The following WWOX variants were observed in gnomAD, a reference collection of about 807,000 sequenced individuals.
The protein encoded by WWOX is WW domain-containing oxidoreductase.
A neutral mutation model predicts 46.2 loss-of-function variants in WWOX; 69 were observed. The ratio of observed to expected loss-of-function variants is 1.49; its 90% confidence interval spans 1.23 to 1.82. WWOX has a LOEUF of 1.82. Among genes scored for constraint, WWOX ranks in the 40% most tolerant of loss-of-function variants. The pLI is 0.00. For missense variants in WWOX, 919 were observed against 542.6 expected (o/e 1.69, Z -6.89); for synonymous variants, 359 against 202.6 (o/e 1.77, Z -6.56).
intron 5 of WWOX, among the ~76,000 whole-genome samples, chr16:78,285,816 C>A (rs1418532305): frequency 6.6e-6 from 1 of 152,138 alleles, no homozygotes; most frequent in Non-Finnish European, 1.5e-5. Context: ...CTGTAATGTT[C>A]CTCACCCACT....
chr16:78,941,790 A>G (rs2045857100), intron 8 of WWOX, among the ~76,000 whole-genome samples: 1 of 152,212 alleles, frequency 6.6e-6, no homozygotes, highest in South Asian at 2.1e-4. Flanking sequence ...TAATCAAATA[A>G]AAGAAGTACT....
intron 8 of WWOX, among the ~76,000 whole-genome samples, chr16:78,736,175 TG>T (rs1255259337): frequency 6.6e-6 from 1 of 152,200 alleles, no homozygotes; most frequent in East Asian, 1.9e-4. Flanking sequence ...AAATGAAGTC[TG>T]GCTTCAGGTT....
At chr16:79,089,504 G>A (rs1449650878) in intron 8 of WWOX, among the ~76,000 whole-genome samples, 2 of 151,826 alleles carry the variant, frequency 1.3e-5, no homozygotes, top group Non-Finnish European at 2.9e-5. Context: ...GCTAATTTTT[G>A]TATTTTTAAT....
At position 78,293,759 on chromosome 16, in the gene WWOX, C is replaced by T. The variant is rs575473503; in HGVS notation, c.517-93101C>T. 7.9e-5 allele frequency among the ~76,000 whole-genome samples: 12 copies of T among 152,074 alleles called. No individual in the cohort carries two copies. In the East Asian group the frequency reaches 1.4e-3, roughly 17 times the overall value. ...TTGAGAGGCCGAGGCTGGCAGATCA[C>T]GAGGTCAGGAGTTCCAGACCAGACT... On this transcript the variant is annotated intron_variant, in intron 5 of 8. Coordinates refer to ENST00000566780, the MANE Select transcript of WWOX (RefSeq NM_016373.4).
intron 8 of WWOX, among the ~76,000 whole-genome samples, chr16:79,030,542 A>G (rs1004269667): frequency 5.3e-5 from 8 of 152,160 alleles, no homozygotes; most frequent in African/African-American, 1.9e-4. Context: ...GTGATCCCTA[A>G]CAGCTTGCTG....
intron 8 of WWOX, among the ~76,000 whole-genome samples, chr16:79,014,617 T>A (rs1269292373): frequency 6.6e-6 from 1 of 152,180 alleles, no homozygotes; most frequent in African/African-American, 2.4e-5. Context: ...GAGCAGCTAC[T>A]CAGTGCCTAA....
intron 8 of WWOX, among the ~76,000 whole-genome samples, chr16:78,469,684 T>A (rs2084173737): frequency 6.6e-6 from 1 of 152,188 alleles, no homozygotes; most frequent in Admixed American, 6.5e-5. Flanking sequence ...TGGATTCTGC[T>A]TACACCATGG....
At chr16:78,354,224 C>T (rs974833784) in intron 5 of WWOX, among the ~76,000 whole-genome samples, 1 of 151,258 alleles carries the variant, frequency 6.6e-6, no homozygotes, top group African/African-American at 2.4e-5. Context: ...GTGCCCACCC[C>T]AGCACCCCCC....
chr16:79,192,458 T>G (rs1349952088), intron 8 of WWOX, among the ~76,000 whole-genome samples: 1 of 152,222 alleles, frequency 6.6e-6, no homozygotes, highest in Non-Finnish European at 1.5e-5. Flanking sequence ...AGGAGCTTAT[T>G]GCCTGCTGCA....
At chr16:78,481,795 A>G (rs894851980) in intron 8 of WWOX, among the ~76,000 whole-genome samples, 1 of 131,464 alleles carries the variant, frequency 7.6e-6, no homozygotes, top group African/African-American at 3.7e-5. Flanking sequence ...TGTGGATGTG[A>G]TAAGAGCTGT....
chr16:78,236,046 T>A (rs1347915726), intron 5 of WWOX, among the ~76,000 whole-genome samples: 1 of 152,240 alleles, frequency 6.6e-6, no homozygotes, highest in African/African-American at 2.4e-5. Context: ...AATGGACGGA[T>A]GTGTTCCAAT....
chr16:78,865,948 G>A (rs2656634), intron 8 of WWOX, among the ~76,000 whole-genome samples: 20,798 of 152,202 alleles, frequency 0.14, 1,789 homozygotes, highest in Middle Eastern at 0.2. Flanking sequence ...GATTGTTTTG[G>A]TTTTAACAAT....
intron 8 of WWOX, among the ~76,000 whole-genome samples, chr16:78,456,083 A>C (rs534157794): frequency 1.3e-5 from 2 of 152,304 alleles, no homozygotes; most frequent in East Asian, 1.9e-4. Flanking sequence ...CTATGTAACT[A>C]AAGGGGGTGG....
chr16:78,422,925 G>T (rs1283448395), intron 6 of WWOX, among the ~76,000 whole-genome samples: 20 of 142,612 alleles, frequency 1.4e-4, no homozygotes, highest in African/African-American at 5.1e-4. Context: ...TCTCTCTGTT[G>T]CCCAGGCTGG....
At chr16:78,847,812 C>G (rs1201247027) in intron 8 of WWOX, among the ~76,000 whole-genome samples, 7 of 152,118 alleles carry the variant, frequency 4.6e-5, no homozygotes, top group Admixed American at 3.9e-4. Context: ...CAGTATTTCC[C>G]TCACCGCATC....
At chr16:79,137,628 A>G (rs1002456210) in intron 8 of WWOX, among the ~76,000 whole-genome samples, 1 of 152,014 alleles carries the variant, frequency 6.6e-6, no homozygotes, top group African/African-American at 2.4e-5. Context: ...GCCATCATGG[A>G]AAAAAAGTGT....
At chr16:79,013,245 C>T (rs1019752721) in intron 8 of WWOX, among the ~76,000 whole-genome samples, 6 of 152,094 alleles carry the variant, frequency 3.9e-5, no homozygotes, top group Non-Finnish European at 7.4e-5. Flanking sequence ...CCCACAGGGT[C>T]GAGAGTGAAT....
chr16:79,115,836 C>T (rs1297968079), intron 8 of WWOX, among the ~76,000 whole-genome samples: 1 of 152,176 alleles, frequency 6.6e-6, no homozygotes, highest in African/African-American at 2.4e-5. Flanking sequence ...CCAGCTTTCG[C>T]CACCCAATTC....
intron 8 of WWOX, among the ~76,000 whole-genome samples, chr16:79,025,494 G>C (rs947420752): frequency 6.6e-6 from 1 of 152,142 alleles, no homozygotes; most frequent in African/African-American, 2.4e-5. Flanking sequence ...TGTGAAGGTA[G>C]AGACTGAGAT....
Sources: gnomAD v4.1 joint callset for allele counts (sites outside exome capture counted in the v4.1 genomes callset) on GRCh38, gnomAD v4.1.1 for gene constraint, MANE v1.5 for transcripts, NCBI Gene and HGNC (gene_info 2026-07-23, HGNC 2026-07-21) for gene names.